The following TMEM244 variants were observed in gnomAD, a reference collection of about 807,000 sequenced individuals.
The protein encoded by TMEM244 is putative transmembrane protein 244.
TMEM244 carries 13 observed loss-of-function variants against 15.8 expected under a neutral mutation model. The observed-to-expected ratio is 0.82, with a 90% CI of 0.53 to 1.30. TMEM244 has a LOEUF of 1.30. Among genes scored for constraint, TMEM244 ranks in the 50% most tolerant of loss-of-function variants. The probability of loss-of-function intolerance (pLI) is 0.00; values close to 1 mark genes in which losing one functional copy is unlikely to be tolerated. For synonymous variants in TMEM244, 45 were observed against 48.7 expected (o/e 0.92, Z 0.32); for missense variants, 161 against 144.9 (o/e 1.11, Z -0.57).
intron 1 of TMEM244, among the ~76,000 whole-genome samples, chr6:129,851,109 T>G (rs1253846916): frequency 1.3e-5 from 2 of 152,142 alleles, no homozygotes; most frequent in Non-Finnish European, 2.9e-5. Flanking sequence ...TTTCACAGAC[T>G]TGGAAACTGA....
chr6:129,832,396 C>T (rs1193201317), intron 4 of TMEM244, among the ~76,000 whole-genome samples: 3 of 152,024 alleles, frequency 2.0e-5, no homozygotes, highest in South Asian at 2.1e-4. Flanking sequence ...CGGCACCTGG[C>T]GGAGACAGAT....
chr6:129,836,030 T>A (rs866478416), intron 3 of TMEM244, among the ~76,000 whole-genome samples: 1 of 152,140 alleles, frequency 6.6e-6, no homozygotes, highest in Non-Finnish European at 1.5e-5. Context: ...GATTTAAACG[T>A]CCCGTCTGAC....
chr6:129,860,322 A>G (rs538428704), intron 1 of TMEM244, among the ~76,000 whole-genome samples: 166 of 152,304 alleles, frequency 1.1e-3, no homozygotes, highest in African/African-American at 3.4e-3. Context: ...CCCCTTAAAA[A>G]TAAGCTTTTT....
At chr6:129,853,197 C>G (rs1474939332) in intron 1 of TMEM244, among the ~76,000 whole-genome samples, 1 of 152,182 alleles carries the variant, frequency 6.6e-6, no homozygotes, top group African/African-American at 2.4e-5. Context: ...TGTGTTCACT[C>G]TCCTCTTTGG....
intron 1 of TMEM244, among the ~76,000 whole-genome samples, chr6:129,858,719 A>G (rs935885107): frequency 4.6e-5 from 7 of 152,170 alleles, no homozygotes; most frequent in South Asian, 4.1e-4. Flanking sequence ...TAGGTATTCA[A>G]TAAATATATT....
intron 2 of TMEM244, among the ~76,000 whole-genome samples, chr6:129,844,070 G>T (rs1316824495): frequency 7.3e-6 from 1 of 137,026 alleles, no homozygotes; most frequent in Non-Finnish European, 1.6e-5. Flanking sequence ...TCTCATCATG[G>T]ATATATTTTT....
chr6:129,849,870 T>C (rs895854604), intron 1 of TMEM244, among the ~76,000 whole-genome samples: 2 of 152,050 alleles, frequency 1.3e-5, no homozygotes, highest in Non-Finnish European at 2.9e-5. Flanking sequence ...GGGTGGGTTA[T>C]GTGTGTGTGT....
chr6:129,850,522 A>G (rs9402186), intron 1 of TMEM244, among the ~76,000 whole-genome samples: 33,674 of 152,124 alleles, frequency 0.22, 3,752 homozygotes, highest in South Asian at 0.24. Flanking sequence ...CAATTTTATC[A>G]ACTAGATGGA....
At position 129,843,725 on chromosome 6, in the gene TMEM244, C is replaced by G. The variant is rs907979637; in HGVS notation, c.120-122G>C. ...GCTATGCGATTCACCCACATTGTGG[C>G]ACATTTCAAAACTGGCTGGAATGTG... On this transcript the variant is annotated intron_variant, in intron 2 of 4. Coordinates refer to ENST00000368143, the MANE Select transcript of TMEM244 (RefSeq NM_001010876.2). The G allele has an allele frequency of 6.7e-5, 41 of 609,128 alleles. No individual in the cohort carries two copies. In the African/African-American group the frequency reaches 7.3e-4, roughly 11 times the overall value. The allele number at this position is 609,128 out of a possible 1,614,324, so 37.7% of individuals were successfully genotyped here.
At chr6:129,845,629 T>C (rs9483066) in intron 2 of TMEM244, 138 bp downstream of exon 2, 35,706 of 712,538 alleles carry the variant, frequency 0.05, 1,954 homozygotes, top group African/African-American at 0.22. Flanking sequence ...AAATAAAAAA[T>C]AAATAAAAGT....
chr6:129,852,912 C>T (rs1015680839), intron 1 of TMEM244, among the ~76,000 whole-genome samples: 7 of 152,162 alleles, frequency 4.6e-5, no homozygotes, highest in Admixed American at 4.6e-4. Context: ...CCCTCAAGAC[C>T]TGGTGCTCCT....
chr6:129,861,111 T>TATTC, intron 1 of TMEM244, 45 bp downstream of exon 1: 1 of 1,605,728 alleles, frequency 6.2e-7, no homozygotes, highest in Non-Finnish European at 8.5e-7. Flanking sequence ...ACACCAGTGC[T>TATTC]AGGCAGCAAC....
chr6:129,840,052 C>T (rs1438237111), intron 3 of TMEM244, among the ~76,000 whole-genome samples: 1 of 152,136 alleles, frequency 6.6e-6, no homozygotes, highest in Non-Finnish European at 1.5e-5. Flanking sequence ...CTACCAATGA[C>T]TTTCTTCACA....
Position 129,833,583 on chromosome 6 carries a change from G to A in TMEM244, c.196C>T (p.Leu66Phe). The change falls in exon 4 of 5, where the codon CTT (leucine) becomes TTT (phenylalanine). Residue 66 changes from leucine (L) to phenylalanine (F), a missense_variant and splice_region_variant. Coordinates refer to ENST00000368143, the MANE Select transcript of TMEM244 (RefSeq NM_001010876.2). ...PSWLNINYKV[L>F]LVSTEVTYFV... The stretch of plus-strand genomic sequence containing the variant: ...TAGGTGACCTCTGTTGAAACTAAAA[G>A]AACTGCAAATACAAGGAAGAATATA... 6.2e-7 allele frequency: 1 copy of A among 1,610,746 alleles called. No homozygotes were observed. The highest frequency in any genetic ancestry group is 2.2e-5 in the East Asian group (1 of 44,692).
chr6:129,852,917 G>A (rs2114644661), intron 1 of TMEM244, among the ~76,000 whole-genome samples: 1 of 152,222 alleles, frequency 6.6e-6, no homozygotes, highest in Non-Finnish European at 1.5e-5. Context: ...AAGACCTGGT[G>A]CTCCTCAGGT....
chr6:129,833,429 T>A (rs1381622256), intron 4 of TMEM244, 31 bp downstream of exon 4: 1 of 1,600,802 alleles, frequency 6.2e-7, no homozygotes, highest in East Asian at 2.2e-5. Flanking sequence ...TTAATACATT[T>A]TCCTTGTTTC....
At chr6:129,835,380 G>A in intron 3 of TMEM244, among the ~76,000 whole-genome samples, 1 of 149,980 alleles carries the variant, frequency 6.7e-6, no homozygotes, top group East Asian at 1.9e-4. Context: ...TCGAGACTGG[G>A]TGACAGAGTG....
At chr6:129,837,589 G>A (rs1328806730) in intron 3 of TMEM244, among the ~76,000 whole-genome samples, 1 of 152,318 alleles carries the variant, frequency 6.6e-6, no homozygotes, top group South Asian at 2.1e-4. Context: ...AACCTTAAAT[G>A]TAAATGGGCT....
At chr6:129,842,443 G>C (rs1776505681) in intron 3 of TMEM244, among the ~76,000 whole-genome samples, 1 of 152,074 alleles carries the variant, frequency 6.6e-6, no homozygotes, top group Non-Finnish European at 1.5e-5. Flanking sequence ...ACCAAACAAG[G>C]CTGTACTAAA....
Sources: gnomAD v4.1 joint callset for allele counts (sites outside exome capture counted in the v4.1 genomes callset) on GRCh38, gnomAD v4.1.1 for gene constraint, MANE v1.5 for transcripts, NCBI Gene and HGNC (gene_info 2026-07-23, HGNC 2026-07-21) for gene names.